NEGR1: variants seen among roughly 807,000 people sequenced by gnomAD.
The protein encoded by NEGR1 is IgLON family member 4.
Under a neutral mutation model 40.9 loss-of-function variants are expected in NEGR1, and 10 were observed. The ratio of observed to expected loss-of-function variants is 0.24; its 90% CI spans 0.15 to 0.42. The LOEUF is 0.42. NEGR1 is among the 10% of genes least tolerant of loss of function. The pLI, the probability that NEGR1 is intolerant of heterozygous loss-of-function variation, is 1.00. For missense variants in NEGR1, 352 were observed against 438.9 expected (o/e 0.80, Z 1.77); for synonymous variants, 185 against 166.8 (o/e 1.11, Z -0.84).
chr1:71,918,089 T>A (rs1228616497), intron 2 of NEGR1, among the ~76,000 whole-genome samples: 1 of 147,058 alleles, frequency 6.8e-6, no homozygotes, highest in South Asian at 2.2e-4. Context: ...TGGTGGCGGG[T>A]GCCTGTAGTC....
chr1:71,599,237 T>G (rs941620344), intron 5 of NEGR1, among the ~76,000 whole-genome samples: 1 of 152,172 alleles, frequency 6.6e-6, no homozygotes, highest in African/African-American at 2.4e-5. Context: ...GATAGAGTCT[T>G]TTTCCTAGAA....
chr1:71,451,497 A>T (rs996423157), intron 6 of NEGR1, among the ~76,000 whole-genome samples: 1 of 151,770 alleles, frequency 6.6e-6, no homozygotes, highest in Admixed American at 6.6e-5. Flanking sequence ...CCACGCCCAG[A>T]TAATTTTTTT....
intron 2 of NEGR1, among the ~76,000 whole-genome samples, chr1:71,839,348 G>A (rs1175648532): frequency 6.6e-6 from 1 of 151,440 alleles, no homozygotes; most frequent in Non-Finnish European, 1.5e-5. Flanking sequence ...GGATTACAGG[G>A]GTGAGCCACC....
intron 1 of NEGR1, among the ~76,000 whole-genome samples, chr1:72,060,199 A>C (rs946107607): frequency 6.6e-6 from 1 of 151,592 alleles, no homozygotes; most frequent in African/African-American, 2.4e-5. Flanking sequence ...AAGATTATGA[A>C]CCTATCTTGA....
chr1:72,186,491 G>C lies in NEGR1; in HGVS notation c.176+95828C>G, dbSNP rs181504128. Reference sequence around the variant, plus strand: ...GAGGGGCAGCCCCAGGAGAAAAGAGGACTGGGCCAGATGATATGGTACCAA... The same window carrying C: ...GAGGGGCAGCCCCAGGAGAAAAGAGCACTGGGCCAGATGATATGGTACCAA... On this transcript the variant is annotated intron_variant, in intron 1 of 6. Transcript: ENST00000357731. Among the ~76,000 whole-genome samples, 249 of 151,578 alleles carry C rather than the reference G, an allele frequency of 1.6e-3. 1 individual carries two copies. The highest frequency in any genetic ancestry group is 5.9e-4 in the Non-Finnish European group (40 of 67,626).
At chr1:71,408,287 C>T (rs1037054227) in intron 6 of NEGR1, among the ~76,000 whole-genome samples, 3 of 151,812 alleles carry the variant, frequency 2.0e-5, no homozygotes, top group East Asian at 1.9e-4. Context: ...GTTTGAGGCC[C>T]GAAGTGGAGG....
chr1:72,201,672 TG>T (rs369527861), intron 1 of NEGR1, among the ~76,000 whole-genome samples: 2,657 of 151,032 alleles, frequency 0.018, 82 homozygotes, highest in African/African-American at 0.062. Flanking sequence ...TAAAATGTGG[TG>T]GGGGGGGTGG....
intron 1 of NEGR1, among the ~76,000 whole-genome samples, chr1:72,153,037 T>G (rs769830963): frequency 2.0e-5 from 3 of 151,906 alleles, no homozygotes; most frequent in Non-Finnish European, 4.4e-5. Flanking sequence ...TTCACTACCT[T>G]GGTAATAGGA....
chr1:71,911,377 T>C (rs1661416769), intron 2 of NEGR1, among the ~76,000 whole-genome samples: 1 of 152,188 alleles, frequency 6.6e-6, no homozygotes, highest in African/African-American at 2.4e-5. Flanking sequence ...CTGGCTCTAT[T>C]ATTACTATCT....
chr1:72,198,234 G>A (rs1250345967), intron 1 of NEGR1, among the ~76,000 whole-genome samples: 3 of 151,992 alleles, frequency 2.0e-5, no homozygotes, highest in East Asian at 3.9e-4. Flanking sequence ...AAGACTGGAG[G>A]TAGTGGAAAG....
At chr1:71,470,141 G>C (rs183464218) in intron 6 of NEGR1, among the ~76,000 whole-genome samples, 1 of 152,216 alleles carries the variant, frequency 6.6e-6, no homozygotes, top group East Asian at 1.9e-4. Context: ...TTAGATGTTA[G>C]TGTTCTTCTG....
intron 6 of NEGR1, among the ~76,000 whole-genome samples, chr1:71,557,170 T>C (rs1648279678): frequency 1.3e-5 from 2 of 151,806 alleles, no homozygotes; most frequent in South Asian, 4.2e-4. Context: ...TCTTGCACTT[T>C]TGTTTTGGAA....
intron 6 of NEGR1, among the ~76,000 whole-genome samples, chr1:71,507,068 T>C (rs893816836): frequency 6.6e-6 from 1 of 152,212 alleles, no homozygotes; most frequent in African/African-American, 2.4e-5. Flanking sequence ...AATTCATACA[T>C]GGAGAACTGG....
chr1:72,136,842 T>C (rs1418047503), intron 1 of NEGR1, among the ~76,000 whole-genome samples: 3 of 151,992 alleles, frequency 2.0e-5, no homozygotes, highest in Non-Finnish European at 4.4e-5. Flanking sequence ...TTTTGAAATC[T>C]ATCCATCTGA....
intron 4 of NEGR1, among the ~76,000 whole-genome samples, chr1:71,693,585 G>C (rs896994719): frequency 6.6e-6 from 1 of 151,322 alleles, no homozygotes; most frequent in Non-Finnish European, 1.5e-5. Context: ...GGGTATTATT[G>C]CCCTGAATTT....
intron 2 of NEGR1, among the ~76,000 whole-genome samples, chr1:71,844,385 T>A (rs1276825582): frequency 6.6e-6 from 1 of 152,048 alleles, no homozygotes; most frequent in Non-Finnish European, 1.5e-5. Context: ...ACAGAGAGGG[T>A]CATAATACTG....
intron 2 of NEGR1, among the ~76,000 whole-genome samples, chr1:71,874,699 T>A (rs1011438151): frequency 2.0e-5 from 3 of 152,178 alleles, no homozygotes; most frequent in African/African-American, 7.2e-5. Flanking sequence ...GTGTTTAGCA[T>A]CCTTAGATGT....
At chr1:71,442,838 C>T (rs1418190462) in intron 6 of NEGR1, among the ~76,000 whole-genome samples, 2 of 152,126 alleles carry the variant, frequency 1.3e-5, no homozygotes, top group Non-Finnish European at 2.9e-5. Context: ...GATCGTTTGA[C>T]AGAAACAAAT....
At position 71,406,315 on chromosome 1, in the gene NEGR1, A is replaced by C. The variant is rs1358316033; in HGVS notation, c.*1131T>G. 6.6e-6 allele frequency: 1 copy of C among 151,926 alleles called. No individual in the cohort carries two copies. Among genetic ancestry groups the C allele is most frequent in the Non-Finnish European group, 1.5e-5 (1 of 67,874 alleles). The allele number at this position is 151,926 out of a possible 1,614,324, so 9.4% of individuals were successfully genotyped here. A position where few individuals can be genotyped will look rare whatever the true frequency, so the allele number is the denominator to read the frequency against. ...ATACTTTCAGATGGAAAATATGCAAAATGCTCCTGTCCACAGGAGCACTGC... is the reference window on the plus strand; with the variant it reads ...ATACTTTCAGATGGAAAATATGCAACATGCTCCTGTCCACAGGAGCACTGC... On this transcript the variant is annotated 3_prime_UTR_variant, in exon 7 of 7. Transcript: ENST00000357731.
Sources: allele counts gnomAD v4.1 joint callset (sites outside exome capture counted in the v4.1 genomes callset), GRCh38; gene constraint gnomAD v4.1.1; transcripts MANE v1.5; gene names NCBI Gene and HGNC (gene_info 2026-07-23, HGNC 2026-07-21).